The following GLIS3 variants were observed in gnomAD, a reference collection of about 807,000 sequenced individuals.
GLIS3 encodes zinc finger protein GLIS3.
GLIS3 carries 53 observed loss-of-function variants against 78.6 expected under a neutral mutation model. The observed-to-expected ratio is 0.67, with a 90% CI of 0.54 to 0.85. The LOEUF (loss-of-function observed/expected upper bound fraction) is 0.85. Among genes scored for constraint, GLIS3 ranks in the 40% least tolerant of loss-of-function variants. The pLI, the probability that GLIS3 is intolerant of heterozygous loss-of-function variation, is 0.00. For missense variants in GLIS3, 1,703 were observed against 1,231.1 expected (o/e 1.38, Z -5.74); for synonymous variants, 684 against 509.9 (o/e 1.34, Z -4.60).
rs549325515 is a variant in GLIS3, at chr9:3,935,140, A to G, written c.1872+1888T>C. On this transcript the variant is annotated intron_variant, in intron 5 of 10. Transcript: ENST00000381971. ...AGTATTATAGTATAAGGAGTGATTAATGAAAGGGAACAAGGACCTAAATTT... is the reference window on the plus strand; with the variant it reads ...AGTATTATAGTATAAGGAGTGATTAGTGAAAGGGAACAAGGACCTAAATTT... Among the ~76,000 whole-genome samples the G allele has an allele frequency of 2.6e-5, 4 of 152,296 alleles. No homozygotes were observed. In the East Asian group the frequency reaches 7.7e-4, roughly 29 times the overall value.
chr9:4,186,551 C>A (rs1349375513), intron 2 of GLIS3, among the ~76,000 whole-genome samples: 1 of 151,542 alleles, frequency 6.6e-6, no homozygotes, highest in Admixed American at 6.6e-5. Flanking sequence ...ATTCCTAGTT[C>A]TAGATCCCTG....
chr9:4,474,972 T>C, the GLIS3 span, among the ~76,000 whole-genome samples: 1 of 149,762 alleles, frequency 6.7e-6, no homozygotes, highest in East Asian at 1.9e-4. Context: ...TTTTCATAAA[T>C]TGGACTATGT....
the GLIS3 span, among the ~76,000 whole-genome samples, chr9:4,409,019 A>G: frequency 2.0e-5 from 3 of 152,106 alleles, no homozygotes; most frequent in South Asian, 2.1e-4. Context: ...ATATATGTAT[A>G]TATGTATACA....
At chr9:4,023,708 T>C (rs1309638732) in intron 4 of GLIS3, among the ~76,000 whole-genome samples, 1 of 152,120 alleles carries the variant, frequency 6.6e-6, no homozygotes, top group African/African-American at 2.4e-5. Context: ...CCACAAGAGG[T>C]CAGAGACCAG....
the GLIS3 span, among the ~76,000 whole-genome samples, chr9:4,428,623 T>C: frequency 6.6e-6 from 1 of 152,076 alleles, no homozygotes; most frequent in Admixed American, 6.5e-5. Context: ...TACGATCTTA[T>C]ACTACCCACA....
At chr9:4,215,841 T>G (rs1175463198) in intron 2 of GLIS3, among the ~76,000 whole-genome samples, 1 of 152,206 alleles carries the variant, frequency 6.6e-6, no homozygotes, top group African/African-American at 2.4e-5. Context: ...TTGCCTGCCT[T>G]TAAAAGAAAG....
intron 4 of GLIS3, among the ~76,000 whole-genome samples, chr9:3,980,261 C>T (rs1170718034): frequency 6.6e-6 from 1 of 152,182 alleles, no homozygotes; most frequent in African/African-American, 2.4e-5. Context: ...GACTTTAAAG[C>T]TGGCATAATT....
At chr9:3,965,582 T>C (rs145176576) in intron 4 of GLIS3, among the ~76,000 whole-genome samples, 2 of 152,134 alleles carry the variant, frequency 1.3e-5, no homozygotes, top group Non-Finnish European at 2.9e-5. Context: ...TAAAGAAAAG[T>C]TGTAAAAGAT....
chr9:4,028,712 GA>G (rs1170399305), intron 4 of GLIS3, among the ~76,000 whole-genome samples: 1 of 133,706 alleles, frequency 7.5e-6, no homozygotes, highest in Non-Finnish European at 1.6e-5. Flanking sequence ...CTTTTGAATT[GA>G]GTAAGATTTT....
At chr9:4,162,185 C>G (rs1442390304) in intron 2 of GLIS3, among the ~76,000 whole-genome samples, 1 of 152,092 alleles carries the variant, frequency 6.6e-6, no homozygotes, top group East Asian at 1.9e-4. Flanking sequence ...CTGTGTTCAC[C>G]CTGCATTCTT....
the GLIS3 span, among the ~76,000 whole-genome samples, chr9:4,474,221 G>C: frequency 5.9e-5 from 9 of 152,174 alleles, no homozygotes; most frequent in Non-Finnish European, 8.8e-5. Context: ...AAGGCAGAGA[G>C]AATTAGTGGA....
upstream of GLIS3, among the ~76,000 whole-genome samples, chr9:4,302,119 T>C (rs1245774272): frequency 3.3e-5 from 5 of 152,168 alleles, no homozygotes; most frequent in African/African-American, 9.6e-5. Flanking sequence ...TCTGTACCTC[T>C]TCTGGGCTGA....
In GLIS3 at chr9:3,882,307, C is replaced by T. The variant is rs117415605; in HGVS notation, c.2129-2712G>A. Among the ~76,000 whole-genome samples the T allele has an allele frequency of 3.3e-4, 50 of 152,274 alleles. 1 individual carries two copies. In the East Asian group the frequency reaches 9.1e-3, roughly 28 times the overall value. On this transcript the variant is annotated intron_variant, in intron 7 of 10. Transcript: ENST00000381971. Reference sequence around the variant, plus strand: ...CCAACTCCTATTTTTCATTTGTTGACGGTTGCGCCATTGGTCAAGATTAAT... The same window carrying T: ...CCAACTCCTATTTTTCATTTGTTGATGGTTGCGCCATTGGTCAAGATTAAT...
chr9:4,292,978 C>G (rs1389130727), intron 1 of GLIS3, among the ~76,000 whole-genome samples: 1 of 152,092 alleles, frequency 6.6e-6, no homozygotes, highest in Non-Finnish European at 1.5e-5. Context: ...AGCACATGGC[C>G]AGGGTTTGAG....
At chr9:4,147,538 G>C (rs1266198940) in intron 2 of GLIS3, 1 of 152,158 alleles carries the variant, frequency 6.6e-6, no homozygotes, top group Non-Finnish European at 1.5e-5. Flanking sequence ...ACATTTCCAG[G>C]GCTACTTGCT....
intron 4 of GLIS3, among the ~76,000 whole-genome samples, chr9:4,033,609 G>C (rs1180443745): frequency 1.3e-5 from 2 of 152,120 alleles, no homozygotes; most frequent in African/African-American, 4.8e-5. Context: ...TTGGGAGCTT[G>C]CTAGAAATGG....
At chr9:4,214,352 G>A (rs906599353) in intron 2 of GLIS3, among the ~76,000 whole-genome samples, 1 of 152,164 alleles carries the variant, frequency 6.6e-6, no homozygotes, top group Admixed American at 6.5e-5. Flanking sequence ...CAAACTTTAA[G>A]GAAAAACATC....
rs1056652003 is a variant in GLIS3, at chr9:4,054,446, G to A, written c.1710+63322C>T. 8 of 985,300 alleles carry A rather than the reference G, an allele frequency of 8.1e-6. No individual in the cohort carries two copies. The Admixed American group carries it at 4.9e-4, about 61-fold the overall frequency. The allele number at this position is 985,300 out of a possible 1,614,324, so 61.0% of individuals were successfully genotyped here. A position where few individuals can be genotyped will look rare whatever the true frequency, so the allele number is the denominator to read the frequency against. On this transcript the variant is annotated intron_variant, in intron 4 of 10. Transcript: ENST00000381971. ...TACAAACACTTTGGCGAGAGTCACAGGAGGATGTGCTCTGGAGTGAATTCT... is the reference window on the plus strand; with the variant it reads ...TACAAACACTTTGGCGAGAGTCACAAGAGGATGTGCTCTGGAGTGAATTCT...
chr9:4,394,966 C>T, the GLIS3 span, among the ~76,000 whole-genome samples: 1 of 152,164 alleles, frequency 6.6e-6, no homozygotes, highest in Non-Finnish European at 1.5e-5. Context: ...TTTATGAGTG[C>T]TATTCTTGCA....
Sources: gnomAD v4.1 joint callset for allele counts (sites outside exome capture counted in the v4.1 genomes callset) on GRCh38, gnomAD v4.1.1 for gene constraint, MANE v1.5 for transcripts, NCBI Gene and HGNC (gene_info 2026-07-23, HGNC 2026-07-21) for gene names.